PTPN5: variants seen among roughly 807,000 people sequenced by gnomAD.
PTPN5 encodes protein tyrosine phosphatase non-receptor type 5.
In PTPN5, 29 loss-of-function variants were observed where a neutral mutation model predicts 73.9. That is an observed-to-expected ratio of 0.39 (90% confidence interval 0.29 to 0.54). The LOEUF is 0.54. Among genes scored for constraint, PTPN5 ranks in the 20% least tolerant of loss-of-function variants. PTPN5 has a pLI of 0.65. For synonymous variants in PTPN5, 267 were observed against 304.7 expected, an observed-to-expected ratio of 0.88 and a Z score of 1.29; for missense variants, 652 against 751.4, an observed-to-expected ratio of 0.87 and a Z score of 1.55.
intron 1 of PTPN5, among the ~76,000 whole-genome samples, chr11:18,785,108 C>T (rs1438718114): frequency 6.6e-6 from 1 of 152,178 alleles, no homozygotes. Flanking sequence ...CTGCCTCAGC[C>T]TCCCAAAGTG....
At chr11:18,735,763 T>TC (rs75475962) in intron 9 of PTPN5, among the ~76,000 whole-genome samples, 36 of 116,730 alleles carry the variant, frequency 3.1e-4, no homozygotes, top group African/African-American at 1.1e-3. Context: ...AGACTCTGTC[T>TC]CCCCCAAAAA....
At chr11:18,739,083 G>C (rs1849248256) in intron 8 of PTPN5, among the ~76,000 whole-genome samples, 1 of 151,840 alleles carries the variant, frequency 6.6e-6, no homozygotes, top group Admixed American at 6.6e-5. Flanking sequence ...CTGTCCACCA[G>C]CTTAGCCCCT....
At position 18,765,840 on chromosome 11, in the gene PTPN5, C is replaced by T. The variant is rs781321724; in HGVS notation, c.64G>A (p.Ala22Thr). 1.3e-6 allele frequency: 2 copies of T among 1,582,024 alleles called. No homozygotes were observed. The highest frequency in any genetic ancestry group is 1.8e-5 in the Admixed American group (1 of 55,358). The change falls in exon 3 of 15, where the codon GCC (alanine) becomes ACC (threonine). Residue 22 changes from alanine to threonine, a missense_variant. Ala to Thr is a moderately conservative substitution (Grantham distance 58). Coordinates refer to ENST00000358540, the MANE Select transcript of PTPN5 (RefSeq NM_006906.2). ...NHAADDSEGG[A>T]LDMCCSERLP... ...CTCTCACTGCAGCACATGTCCAGGGCCCCTCCCTCGGAGTCATCAGCAGCG... is the reference window on the plus strand; with the variant it reads ...CTCTCACTGCAGCACATGTCCAGGGTCCCTCCCTCGGAGTCATCAGCAGCG...
Position 18,732,676 on chromosome 11 carries a change from C to T in PTPN5, c.1245G>A (p.Glu415=), listed in dbSNP as rs1287287744. The T allele has an allele frequency of 6.2e-7, 1 of 1,613,914 alleles. No homozygotes were observed. Among genetic ancestry groups the T allele is most frequent in the Admixed American group, 1.7e-5 (1 of 60,020 alleles). ...NEKCTEYWPE[E]QVAYDGVEIT... ...TCTCAACACCGTCGTACGCCACCTGCTCCTCCGGCCAATACTCGGTGCATT... is the reference window on the plus strand; with the variant it reads ...TCTCAACACCGTCGTACGCCACCTGTTCCTCCGGCCAATACTCGGTGCATT... The change falls in exon 12 of 15, where the codon GAG becomes GAA. Residue 415 remains glutamate, a synonymous_variant. Transcript: ENST00000358540.
At chr11:18,766,635 G>A (rs191562262) in intron 2 of PTPN5, among the ~76,000 whole-genome samples, 1 of 152,262 alleles carries the variant, frequency 6.6e-6, no homozygotes, top group African/African-American at 2.4e-5. Flanking sequence ...CCTTTACCTG[G>A]CAAGCTGGAA....
intron 1 of PTPN5, among the ~76,000 whole-genome samples, chr11:18,774,933 G>A (rs4073915): frequency 0.22 from 34,207 of 152,146 alleles, 4,241 homozygotes; most frequent in Middle Eastern, 0.32. Context: ...CGGACCACCT[G>A]TTCAGTAACA....
chr11:18,781,239 G>A (rs946286202), intron 1 of PTPN5, among the ~76,000 whole-genome samples: 1 of 151,954 alleles, frequency 6.6e-6, no homozygotes, highest in Non-Finnish European at 1.5e-5. Flanking sequence ...TCTGGGGAAG[G>A]GATGGAGGTC....
At position 18,729,203 on chromosome 11, in the gene PTPN5, T is replaced by C. The variant is rs1440534061; in HGVS notation, c.1605-176A>G. Among the ~76,000 whole-genome samples, 1 of 152,138 alleles carries C rather than the reference T, an allele frequency of 6.6e-6. No individual in the cohort carries two copies. Among genetic ancestry groups the C allele is most frequent in the Non-Finnish European group, 1.5e-5 (1 of 68,008 alleles). On this transcript the variant is annotated intron_variant, in intron 14 of 14. Coordinates refer to ENST00000358540, the MANE Select transcript of PTPN5 (RefSeq NM_006906.2). This position sits in a 1 kb window ranked among gnomAD's most constrained non-coding sequence, Gnocchi z 5.2. ...CTTCCTATCAGGGACACAGATGACA[T>C]GTCCTACCACTTTCGGCCTCTGTCC...
At chr11:18,789,132 G>T (rs1166704247) in intron 1 of PTPN5, among the ~76,000 whole-genome samples, 1 of 152,142 alleles carries the variant, frequency 6.6e-6, no homozygotes, top group Non-Finnish European at 1.5e-5. Flanking sequence ...ATGATCTGAA[G>T]AAAGGAAGAA....
intron 11 of PTPN5, among the ~76,000 whole-genome samples, chr11:18,732,998 G>C (rs1156804697): frequency 6.6e-6 from 1 of 152,186 alleles, no homozygotes; most frequent in Non-Finnish European, 1.5e-5. Flanking sequence ...GGAGGCAGCA[G>C]AGTGCTGTGT....
At chr11:18,765,337 C>A (rs1003654681) in intron 3 of PTPN5, among the ~76,000 whole-genome samples, 7 of 152,094 alleles carry the variant, frequency 4.6e-5, no homozygotes, top group Non-Finnish European at 8.8e-5. Context: ...CTCCCTGCAA[C>A]TGTGGTCAAC....
intron 1 of PTPN5, among the ~76,000 whole-genome samples, chr11:18,787,274 TA>T (rs1403436042): frequency 6.6e-6 from 1 of 152,214 alleles, no homozygotes; most frequent in African/African-American, 2.4e-5. Context: ...TTGGTTCATA[TA>T]AGTCTAAGAT....
intron 2 of PTPN5, among the ~76,000 whole-genome samples, chr11:18,766,376 T>C (rs182149162): frequency 7.1e-4 from 108 of 152,294 alleles, no homozygotes; most frequent in South Asian, 1.2e-3. Flanking sequence ...TCCAGTAGTT[T>C]TGAACCATGG....
In PTPN5 at chr11:18,729,906, G is replaced by A. The variant is rs1352728384; in HGVS notation, c.1330-88C>T. On this transcript the variant is annotated intron_variant, in intron 12 of 14. Coordinates refer to ENST00000358540, the MANE Select transcript of PTPN5 (RefSeq NM_006906.2). This position sits in a 1 kb window ranked among gnomAD's most constrained non-coding sequence, Gnocchi z 5.2. The stretch of plus-strand genomic sequence containing the variant: ...CAGAGATAGAGATGAGATGGAAGGA[G>A]GAAGAACACAGGAAGAACACTGAGA... The A allele has an allele frequency of 6.5e-7, 1 of 1,540,382 alleles. No individual in the cohort carries two copies.
chr11:18,753,863 G>T (rs768104260), intron 3 of PTPN5, among the ~76,000 whole-genome samples: 24 of 152,150 alleles, frequency 1.6e-4, no homozygotes, highest in Non-Finnish European at 2.6e-4. Flanking sequence ...GAGTACCATG[G>T]CACCGTGGGG....
At chr11:18,792,389 C>T (rs977904322), upstream of PTPN5, 1 of 152,400 alleles carries the variant, frequency 6.6e-6, no homozygotes, top group African/African-American at 2.4e-5. Context: ...GAGGAGGCGT[C>T]CTTTTTCCCA....
At chr11:18,750,071 T>C (rs868394915) in intron 3 of PTPN5, among the ~76,000 whole-genome samples, 11 of 152,186 alleles carry the variant, frequency 7.2e-5, no homozygotes, top group Non-Finnish European at 1.3e-4. Flanking sequence ...AGCCCATTAA[T>C]TTCTCAGATG....
At chr11:18,770,423 G>A (rs964988797) in intron 2 of PTPN5, among the ~76,000 whole-genome samples, 3 of 152,144 alleles carry the variant, frequency 2.0e-5, no homozygotes, top group Non-Finnish European at 2.9e-5. Flanking sequence ...TTTTGTGTTT[G>A]GCTTCTTGCA....
chr11:18,749,478 C>CG, intron 3 of PTPN5: 2 of 148,624 alleles, frequency 1.3e-5, no homozygotes, highest in Non-Finnish European at 1.3e-5. Context: ...TGTCTGGGGT[C>CG]GGGGGAGGGT....
Sources: allele counts gnomAD v4.1 joint callset (sites outside exome capture counted in the v4.1 genomes callset), GRCh38; gene constraint gnomAD v4.1.1; non-coding constraint Gnocchi (gnomAD v3.1); transcripts MANE v1.5; gene names NCBI Gene and HGNC (gene_info 2026-07-23, HGNC 2026-07-21).